Variants in CRACR2A observed in about 807,000 individuals in gnomAD.
CRACR2A encodes calcium release activated channel regulator 2A, also known as EF-hand calcium-binding domain-containing protein 4B.
CRACR2A carries 79 observed loss-of-function variants against 90.5 expected under a neutral mutation model. The ratio of observed to expected loss-of-function variants is 0.87; its 90% CI spans 0.73 to 1.05. The LOEUF is 1.05. Among genes scored for constraint, CRACR2A ranks in the 50% least tolerant of loss-of-function variants. CRACR2A has a pLI of 0.00. For missense variants in CRACR2A, 823 were observed against 897.2 expected, an observed-to-expected ratio of 0.92 and a Z score of 1.06; for synonymous variants, 338 against 356.7, an observed-to-expected ratio of 0.95 and a Z score of 0.59.
chr12:3,735,350 C>G (rs567128365), intron 1 of CRACR2A, among the ~76,000 whole-genome samples: 1 of 152,246 alleles, frequency 6.6e-6, no homozygotes, highest in Admixed American at 6.5e-5. Flanking sequence ...GCGGGGAGAC[C>G]TGGCGCTGGG....
At chr12:3,624,824 G>T (rs1944224933) in intron 17 of CRACR2A, among the ~76,000 whole-genome samples, 1 of 152,234 alleles carries the variant, frequency 6.6e-6, no homozygotes, top group Non-Finnish European at 1.5e-5. Flanking sequence ...AGCAGAGACT[G>T]CATTTTAAGA....
intron 7 of CRACR2A, among the ~76,000 whole-genome samples, chr12:3,663,386 C>G (rs919565249): frequency 3.3e-5 from 5 of 152,156 alleles, no homozygotes; most frequent in Admixed American, 1.3e-4. Context: ...TAGAATACCC[C>G]CAGTGACAGA....
intron 2 of CRACR2A, among the ~76,000 whole-genome samples, chr12:3,725,375 G>T (rs921601170): frequency 7.9e-5 from 12 of 152,106 alleles, no homozygotes; most frequent in African/African-American, 2.9e-4. Flanking sequence ...GGTACCTCCA[G>T]GTGTTCCTTG....
At chr12:3,704,549 C>T (rs1179491299) in intron 3 of CRACR2A, among the ~76,000 whole-genome samples, 5 of 152,144 alleles carry the variant, frequency 3.3e-5, no homozygotes, top group Non-Finnish European at 1.5e-5. Flanking sequence ...TCAAATGGTA[C>T]ACTTTACATA....
In CRACR2A at chr12:3,660,803, G is replaced by T. The variant is rs73047246; in HGVS notation, c.672-1149C>A. Among the ~76,000 whole-genome samples the T allele has an allele frequency of 1.0e-2, 1,449 of 145,286 alleles. 11 individuals are homozygous for T. The highest frequency in any genetic ancestry group is 0.018 in the Middle Eastern group (5 of 278). The stretch of plus-strand genomic sequence containing the variant: ...CAGGCTCTGTGAACAGGCTAATGTG[G>T]CTATCAAGGCCTGTTCTGAACATGC... On this transcript the variant is annotated intron_variant, in intron 7 of 19. Transcript: ENST00000440314.
At chr12:3,636,893 G>GA (rs1944463263) in intron 14 of CRACR2A, among the ~76,000 whole-genome samples, 1 of 93,430 alleles carries the variant, frequency 1.1e-5, no homozygotes, top group African/African-American at 5.3e-5. Context: ...GCAGCCACTG[G>GA]GAAAAGTTCA....
At chr12:3,725,153 T>A (rs575064496) in intron 2 of CRACR2A, among the ~76,000 whole-genome samples, 1 of 152,236 alleles carries the variant, frequency 6.6e-6, no homozygotes, top group Admixed American at 6.5e-5. Flanking sequence ...CTCTCCCACA[T>A]CTCTTCCATC....
At chr12:3,703,417 T>C (rs1440198998) in intron 3 of CRACR2A, among the ~76,000 whole-genome samples, 2 of 152,186 alleles carry the variant, frequency 1.3e-5, no homozygotes, top group Non-Finnish European at 2.9e-5. Flanking sequence ...CTTTGTACCA[T>C]ATACAAAAAA....
Position 3,751,004 on chromosome 12 carries a change from C to G in CRACR2A, c.-387+2011G>C, listed in dbSNP as rs115782599. 6.3e-3 allele frequency among the ~76,000 whole-genome samples: 965 copies of G among 152,344 alleles called. 14 individuals are homozygous for G. The highest frequency in any genetic ancestry group is 0.022 in the African/African-American group (913 of 41,572). On this transcript the variant is annotated intron_variant, in intron 1 of 19. Coordinates refer to ENST00000440314, the MANE Select transcript of CRACR2A (RefSeq NM_001144958.2). ...ACTCTGGAATCCAAATCGCCATCAT[C>G]TTGGTCTCTTCTGCTCTGGTCCCTG...
chr12:3,615,494 C>G (rs1437590970), intron 19 of CRACR2A, 55 bp from the exon 20 acceptor site: 1 of 1,430,804 alleles, frequency 7.0e-7, no homozygotes, highest in African/African-American at 1.4e-5. Context: ...GGCCCAGGGG[C>G]TGGCAACCTG....
chr12:3,719,089 T>C (rs762378184), intron 2 of CRACR2A, among the ~76,000 whole-genome samples: 1 of 152,172 alleles, frequency 6.6e-6, no homozygotes, highest in Non-Finnish European at 1.5e-5. Flanking sequence ...GAGAATGTTT[T>C]GGGGGAGTTA....
At chr12:3,642,044 C>T (rs1050248475) in intron 12 of CRACR2A, among the ~76,000 whole-genome samples, 7 of 152,114 alleles carry the variant, frequency 4.6e-5, no homozygotes, top group Non-Finnish European at 5.9e-5. Context: ...CCTTTCCAGT[C>T]AGCTAATCAA....
chr12:3,643,894 AATATATATTATATATAT>A (rs1944633930), intron 12 of CRACR2A, among the ~76,000 whole-genome samples: 1 of 88,028 alleles, frequency 1.1e-5, no homozygotes, highest in Non-Finnish European at 2.3e-5. Flanking sequence ...ATTAATATAT[AATATATATTATATATAT>A]TTATATTATA....
chr12:3,638,467 G>A lies in CRACR2A; in HGVS notation c.1272-13C>T. ...CTCCTCTGACTGGCTACTGGGGCGG[G>A]GAAGAGAGAAGAGTTGGGAGGATTT... On this transcript the variant is annotated splice_polypyrimidine_tract_variant and intron_variant, in intron 13 of 19. Transcript: ENST00000440314. The A allele has an allele frequency of 6.6e-7, 1 of 1,523,408 alleles. No individual in the cohort carries two copies. The allele number at this position is 1,523,408 out of a possible 1,614,324, so 94.4% of individuals were successfully genotyped here. A position where few individuals can be genotyped will look rare whatever the true frequency, so the allele number is the denominator to read the frequency against.
intron 17 of CRACR2A, among the ~76,000 whole-genome samples, chr12:3,620,517 T>C (rs1253632382): frequency 6.6e-6 from 1 of 152,228 alleles, no homozygotes; most frequent in African/African-American, 2.4e-5. Flanking sequence ...GTTTCCTTAA[T>C]CTGTGCATTC....
chr12:3,636,814 T>C (rs376647075), intron 14 of CRACR2A, among the ~76,000 whole-genome samples: 1 of 152,204 alleles, frequency 6.6e-6, no homozygotes, highest in African/African-American at 2.4e-5. Flanking sequence ...TCTGCAGGCA[T>C]GAGTCTTAAT....
At chr12:3,662,590 G>C (rs115292477) in intron 7 of CRACR2A, among the ~76,000 whole-genome samples, 305 of 152,350 alleles carry the variant, frequency 2.0e-3, no homozygotes, top group African/African-American at 7.1e-3. Context: ...GTGCTCCCCA[G>C]GGGGAAGAGA....
chr12:3,678,079 A>C (rs1418932912), intron 6 of CRACR2A, among the ~76,000 whole-genome samples: 4 of 152,164 alleles, frequency 2.6e-5, no homozygotes, highest in Middle Eastern at 3.2e-3. Flanking sequence ...ACATACATCT[A>C]ACCCAAGACC....
intron 14 of CRACR2A, 78 bp downstream of exon 14, chr12:3,638,046 C>T: frequency 7.1e-7 from 1 of 1,407,612 alleles, no homozygotes; most frequent in South Asian, 1.5e-5. Flanking sequence ...TGAGCTGCCT[C>T]TCCGGGCGCT....
Sources: gnomAD v4.1 joint callset for allele counts (sites outside exome capture counted in the v4.1 genomes callset) on GRCh38, gnomAD v4.1.1 for gene constraint, MANE v1.5 for transcripts, NCBI Gene and HGNC (gene_info 2026-07-23, HGNC 2026-07-21) for gene names.